Variants in DNAJC6 observed in about 807,000 individuals in gnomAD.
DNAJC6 encodes the protein DnaJ heat shock protein family (Hsp40) member C6, also known as auxilin.
DNAJC6 carries 34 observed loss-of-function variants against 110.0 expected under a neutral mutation model. The ratio of observed to expected loss-of-function variants is 0.31; its 90% confidence interval spans 0.24 to 0.41. The LOEUF (loss-of-function observed/expected upper bound fraction) is 0.41, where lower values mean the gene tolerates loss of function less well. Ranked by LOEUF, DNAJC6 falls within the 10% of genes least tolerant of loss-of-function variation. The pLI, the probability that DNAJC6 is intolerant of heterozygous loss-of-function variation, is 1.00. For synonymous variants in DNAJC6, 406 were observed against 437.2 expected (o/e 0.93, Z 0.89); for missense variants, 1,031 against 1,207.8 (o/e 0.85, Z 2.17).
intron 1 of DNAJC6, among the ~76,000 whole-genome samples, chr1:65,361,415 G>A (rs1393442865): frequency 6.6e-6 from 1 of 152,144 alleles, no homozygotes; most frequent in African/African-American, 2.4e-5. Context: ...AGATCAGGAT[G>A]GAAGAACATG....
At chr1:65,302,118 A>AT (rs1553136004) in intron 1 of DNAJC6, among the ~76,000 whole-genome samples, 1 of 17,414 alleles carries the variant, frequency 5.7e-5, no homozygotes, top group Non-Finnish European at 9.2e-5. Context: ...ATATATATAT[A>AT]TATATAAAAA....
intron 1 of DNAJC6, among the ~76,000 whole-genome samples, chr1:65,353,037 T>G (rs921269407): frequency 6.6e-6 from 1 of 152,196 alleles, no homozygotes; most frequent in African/African-American, 2.4e-5. Context: ...AGACCATCAG[T>G]CCTCTGCTAT....
chr1:65,333,180 C>A (rs1232126677), intron 1 of DNAJC6, among the ~76,000 whole-genome samples: 1 of 152,094 alleles, frequency 6.6e-6, no homozygotes, highest in African/African-American at 2.4e-5. Flanking sequence ...ACAACACTAT[C>A]CCCCAAATTA....
intron 1 of DNAJC6, among the ~76,000 whole-genome samples, chr1:65,318,157 T>G (rs1645164680): frequency 6.6e-6 from 1 of 152,188 alleles, no homozygotes; most frequent in Non-Finnish European, 1.5e-5. Flanking sequence ...TAGGGCTGAC[T>G]TATCTACTAG....
intron 1 of DNAJC6, among the ~76,000 whole-genome samples, chr1:65,296,950 G>A (rs571748116): frequency 7.2e-5 from 11 of 152,256 alleles, no homozygotes; most frequent in Admixed American, 2.0e-4. Flanking sequence ...ACCAAATATG[G>A]TTCTGCTATC....
At chr1:65,317,651 A>G (rs746542237) in intron 1 of DNAJC6, among the ~76,000 whole-genome samples, 7 of 152,188 alleles carry the variant, frequency 4.6e-5, no homozygotes, top group Non-Finnish European at 1.0e-4. Context: ...CTGTTGTTGT[A>G]TTGTGGTGTA....
At chr1:65,312,503 C>T (rs1425118544) in intron 1 of DNAJC6, among the ~76,000 whole-genome samples, 1 of 152,126 alleles carries the variant, frequency 6.6e-6, no homozygotes, top group Non-Finnish European at 1.5e-5. Flanking sequence ...GTAATCTGCC[C>T]ATTTATTCAA....
chr1:65,364,653 T>A lies in DNAJC6; in HGVS notation c.212T>A (p.Met71Lys). The change falls in exon 2 of 19, where the codon ATG becomes AAG. Residue 71 changes from methionine (M) to lysine (K), a missense_variant. By Grantham distance (95) the Met-to-Lys change is moderately conservative (BLOSUM62 -1). Transcript: ENST00000371069. ...MDSSGASSPD[M>K]EPSYGGGLFD... ...TTGGCAGGTGCCTCATCTCCAGACA[T>A]GGAGCCCAGCTATGGGGGAGGTCTC... 1 of 1,602,624 alleles carries A rather than the reference T, an allele frequency of 6.2e-7. No homozygotes were observed. The highest frequency in any genetic ancestry group is 8.5e-7 in the Non-Finnish European group (1 of 1,176,774).
chr1:65,370,151 T>G (rs1475147522), intron 4 of DNAJC6, among the ~76,000 whole-genome samples: 1 of 152,196 alleles, frequency 6.6e-6, no homozygotes, highest in Non-Finnish European at 1.5e-5. Context: ...ATGCATCAGT[T>G]AAACCAGATG....
chr1:65,332,971 T>C (rs941514402), intron 1 of DNAJC6, among the ~76,000 whole-genome samples: 1 of 152,192 alleles, frequency 6.6e-6, no homozygotes, highest in African/African-American at 2.4e-5. Context: ...TGAGTTGCTC[T>C]GAGAACAATG....
At chr1:65,283,433 A>T (rs528995029) in intron 1 of DNAJC6, among the ~76,000 whole-genome samples, 1 of 152,114 alleles carries the variant, frequency 6.6e-6, no homozygotes, top group African/African-American at 2.4e-5. Flanking sequence ...TACTCAGCAT[A>T]ATTTCCCTGA....
At chr1:65,290,039 A>T (rs932279259) in intron 1 of DNAJC6, among the ~76,000 whole-genome samples, 2 of 151,920 alleles carry the variant, frequency 1.3e-5, no homozygotes, top group African/African-American at 2.4e-5. Context: ...TGAACTCCTG[A>T]CCTCAAGTGA....
Position 65,383,994 on chromosome 1 carries a change from A to T in DNAJC6, c.667-199A>T, listed in dbSNP as rs1397741659. ...GATTAGAATCAATTTTATTCTAAGG[A>T]TAAGTCTTTCCTTGCTGCCTTTGAT... On this transcript the variant is annotated intron_variant, in intron 5 of 18. Coordinates refer to ENST00000371069, the MANE Select transcript of DNAJC6 (RefSeq NM_001256864.2). 9.0e-6 allele frequency: 4 copies of T among 442,898 alleles called. No homozygotes were observed. The Admixed American group carries it at 1.3e-4, about 15-fold the overall frequency. 27.4% of individuals were successfully genotyped at this position (442,898 alleles called of 1,614,324 possible).
chr1:65,403,207 A>G (rs1646045556), intron 15 of DNAJC6, among the ~76,000 whole-genome samples: 1 of 152,238 alleles, frequency 6.6e-6, no homozygotes, highest in Non-Finnish European at 1.5e-5. Context: ...TACATATATC[A>G]TTTCATTTAA....
At position 65,309,950 on chromosome 1, in the gene DNAJC6, C is replaced by A. The variant is rs935388770; in HGVS notation, c.193+12C>A. 2.8e-6 allele frequency: 4 copies of A among 1,437,516 alleles called. No homozygotes were observed. The highest frequency in any genetic ancestry group is 2.9e-5 in the East Asian group (1 of 34,400). 89.0% of individuals were successfully genotyped at this position (1,437,516 alleles called of 1,614,324 possible). A position where few individuals can be genotyped will look rare whatever the true frequency, so the allele number is the denominator to read the frequency against. Reference sequence around the variant, plus strand: ...CATGGACAGCTCAGGTAGCGCTGCCCGAGGGGAGTGCAGCGCTGAGCCCCG... The same window carrying A: ...CATGGACAGCTCAGGTAGCGCTGCCAGAGGGGAGTGCAGCGCTGAGCCCCG... On this transcript the variant is annotated intron_variant, in intron 1 of 18. Coordinates refer to ENST00000371069, the MANE Select transcript of DNAJC6 (RefSeq NM_001256864.2).
intron 14 of DNAJC6, 139 bp from the exon 15 acceptor site, chr1:65,401,622 G>C (rs745514910): frequency 1.5e-5 from 18 of 1,215,302 alleles, no homozygotes; most frequent in Admixed American, 2.9e-5. Flanking sequence ...GGGAAACAGG[G>C]TCTAGCAACT....
chr1:65,343,000 T>G (rs1308295729), intron 1 of DNAJC6, among the ~76,000 whole-genome samples: 1 of 152,202 alleles, frequency 6.6e-6, no homozygotes, highest in East Asian at 1.9e-4. Context: ...CCCTTCCCAG[T>G]GATTCTAAAT....
At chr1:65,276,922 T>C (rs1393492540) in intron 1 of DNAJC6, among the ~76,000 whole-genome samples, 3 of 152,202 alleles carry the variant, frequency 2.0e-5, no homozygotes, top group Non-Finnish European at 2.9e-5. Context: ...AATTGGCATA[T>C]ACCCTAAATA....
intron 15 of DNAJC6, among the ~76,000 whole-genome samples, chr1:65,402,698 G>A (rs946696369): frequency 2.0e-5 from 3 of 152,202 alleles, no homozygotes; most frequent in Non-Finnish European, 4.4e-5. Flanking sequence ...AAGCCCTACT[G>A]AGGCATTTAG....
Sources: allele counts gnomAD v4.1 joint callset (sites outside exome capture counted in the v4.1 genomes callset), GRCh38; gene constraint gnomAD v4.1.1; transcripts MANE v1.5; gene names NCBI Gene and HGNC (gene_info 2026-07-23, HGNC 2026-07-21).